Variants in OTUD7A observed in about 807,000 individuals in gnomAD.
OTUD7A encodes the protein OTU deubiquitinase 7A, also known as OTU domain-containing protein 7A.
Under a neutral mutation model 65.7 loss-of-function variants are expected in OTUD7A, and 12 were observed. The observed-to-expected ratio is 0.18, with a 90% CI of 0.12 to 0.30. OTUD7A has a LOEUF of 0.30. Among genes scored for constraint, OTUD7A ranks in the 10% least tolerant of loss-of-function variants. The pLI is 1.00. For synonymous variants in OTUD7A, 641 were observed against 586.3 expected, an observed-to-expected ratio of 1.09 and a Z score of -1.35; for missense variants, 1,148 against 1,304.8, an observed-to-expected ratio of 0.88 and a Z score of 1.85.
intron 1 of OTUD7A, among the ~76,000 whole-genome samples, chr15:31,695,288 C>A (rs1352555438): frequency 1.4e-5 from 2 of 140,036 alleles, no homozygotes; most frequent in Admixed American, 7.3e-5. Flanking sequence ...TGACTATATA[C>A]CAGCAGTGGG....
At chr15:31,506,938 G>T (rs2041580954) in intron 8 of OTUD7A, among the ~76,000 whole-genome samples, 1 of 152,160 alleles carries the variant, frequency 6.6e-6, no homozygotes, top group South Asian at 2.1e-4. Flanking sequence ...GTGGAAAGGG[G>T]ATAATTTGGG....
At chr15:31,766,171 A>G in intron 1 of OTUD7A, 2 of 1,489,966 alleles carry the variant, frequency 1.3e-6, no homozygotes, top group Non-Finnish European at 1.9e-6. Context: ...AAAGAAACTA[A>G]TCTTCCAGCA....
chr15:31,603,065 C>A (rs1004878910), intron 3 of OTUD7A, among the ~76,000 whole-genome samples: 3 of 152,214 alleles, frequency 2.0e-5, no homozygotes, highest in Non-Finnish European at 4.4e-5. Context: ...CTACCACTGA[C>A]TTTCTTCACA....
At chr15:31,569,958 C>G in intron 4 of OTUD7A, 60 bp downstream of exon 4, 2 of 1,583,750 alleles carry the variant, frequency 1.3e-6, no homozygotes, top group South Asian at 1.1e-5. Flanking sequence ...CGCAACCCGC[C>G]TGCAAGCTGC....
intron 5 of OTUD7A, among the ~76,000 whole-genome samples, chr15:31,532,346 C>CAAAACAGAGCCAAATAAAGAACAA (rs1343827223): frequency 6.6e-6 from 1 of 151,790 alleles, no homozygotes; most frequent in East Asian, 1.9e-4. Context: ...ATAGAAGATA[C>CAAAACAGAGCCAAATAAAGAACAA]AAAACAGAGC....
At position 31,484,344 on chromosome 15, in the gene OTUD7A, C is replaced by T; in HGVS notation, c.1752G>A (p.Ala584=). 1.2e-6 allele frequency: 2 copies of T among 1,600,830 alleles called. No homozygotes were observed. The highest frequency in any genetic ancestry group is 1.7e-6 in the Non-Finnish European group (2 of 1,179,424). ...SRKGSKEESG[A]SASTSPSEKT... Reference sequence around the variant, plus strand: ...TTTCCGACGGCGACGTGCTGGCCGACGCACCAGACTCCTCCTTGCTGCCCT... The same window carrying T: ...TTTCCGACGGCGACGTGCTGGCCGATGCACCAGACTCCTCCTTGCTGCCCT... The change falls in exon 13 of 13, where the codon GCG becomes GCA. Residue 584 remains alanine, a synonymous_variant. Transcript: ENST00000307050. The surrounding 1 kb of genome is among the most constrained non-coding windows in gnomAD (Gnocchi z 4.5).
intron 5 of OTUD7A, among the ~76,000 whole-genome samples, chr15:31,533,486 G>C (rs573924929): frequency 5.3e-5 from 8 of 152,208 alleles, no homozygotes; most frequent in Admixed American, 1.3e-4. Context: ...ATCTGCCTGC[G>C]TTGGCCTCTC....
chr15:31,561,234 G>T (rs747585972), intron 4 of OTUD7A, among the ~76,000 whole-genome samples: 1 of 151,596 alleles, frequency 6.6e-6, no homozygotes, highest in Non-Finnish European at 1.5e-5. Flanking sequence ...CTTGGGTGGT[G>T]GGGGACGGCC....
intron 3 of OTUD7A, among the ~76,000 whole-genome samples, chr15:31,602,191 T>C (rs1049167226): frequency 2.6e-5 from 4 of 152,152 alleles, no homozygotes; most frequent in Non-Finnish European, 5.9e-5. Context: ...TGAACATCAA[T>C]GAAAAAATCC....
rs935852845 is a variant in OTUD7A at position 31,646,588 on chromosome 15, G to A, written c.151+8508C>T. 2.0e-5 allele frequency among the ~76,000 whole-genome samples: 3 copies of A among 151,812 alleles called. 1 individual carries two copies. Among genetic ancestry groups the A allele is most frequent in the African/African-American group, 7.3e-5 (3 of 41,348 alleles). On this transcript the variant is annotated intron_variant, in intron 3 of 12. Transcript: ENST00000307050. ...CAATTCTCCTGCCTCAGCCTCTTGAGTAGCTGGGATTACAGGTATGCACCA... is the reference window on the plus strand; with the variant it reads ...CAATTCTCCTGCCTCAGCCTCTTGAATAGCTGGGATTACAGGTATGCACCA...
chr15:31,642,309 G>T (rs560154058), intron 3 of OTUD7A, among the ~76,000 whole-genome samples: 2 of 152,076 alleles, frequency 1.3e-5, no homozygotes, highest in Non-Finnish European at 2.9e-5. Context: ...TGCCAAATTC[G>T]ATTTGCTAAA....
intron 1 of OTUD7A, among the ~76,000 whole-genome samples, chr15:31,852,149 G>A (rs1231498071): frequency 6.6e-6 from 1 of 152,276 alleles, no homozygotes; most frequent in African/African-American, 2.4e-5. Context: ...GAGCCACTGC[G>A]CCCAGCCCTG....
chr15:31,690,105 G>A (rs1484898162), intron 1 of OTUD7A, among the ~76,000 whole-genome samples: 2 of 152,062 alleles, frequency 1.3e-5, no homozygotes, highest in East Asian at 3.8e-4. Flanking sequence ...CATAGGATAA[G>A]GTCCCTAGTT....
chr15:31,659,077 AAAT>A (rs1892083823), intron 1 of OTUD7A, among the ~76,000 whole-genome samples: 1 of 139,478 alleles, frequency 7.2e-6, no homozygotes, highest in Non-Finnish European at 1.6e-5. Context: ...ATAAATAAAT[AAAT>A]AAAATAAAAT....
intron 5 of OTUD7A, among the ~76,000 whole-genome samples, chr15:31,536,132 A>C (rs1173625527): frequency 6.6e-6 from 1 of 152,234 alleles, no homozygotes; most frequent in Admixed American, 6.5e-5. Flanking sequence ...CACAGAAGCG[A>C]GGCAAAGGTA....
chr15:31,742,443 C>A (rs1420426455), intron 1 of OTUD7A, among the ~76,000 whole-genome samples: 1 of 151,980 alleles, frequency 6.6e-6, no homozygotes, highest in African/African-American at 2.4e-5. Context: ...TTTTTAAAAA[C>A]TGAACCACTG....
chr15:31,577,743 CA>C (rs1200709851), intron 3 of OTUD7A, among the ~76,000 whole-genome samples: 1 of 150,302 alleles, frequency 6.7e-6, no homozygotes, highest in African/African-American at 2.4e-5. Flanking sequence ...TTTCCATCAA[CA>C]ATACTATGTT....
rs144451679 is a variant in OTUD7A, at chr15:31,687,239, G to A, written c.-99-30162C>T. 1.4e-3 allele frequency among the ~76,000 whole-genome samples: 218 copies of A among 152,258 alleles called. 5 individuals carry two copies. The highest frequency in any genetic ancestry group is 0.014 in the Admixed American group (216 of 15,290). On this transcript the variant is annotated intron_variant, in intron 1 of 12. Coordinates refer to ENST00000307050, the MANE Select transcript of OTUD7A (RefSeq NM_001382637.1). ...CAGTTAAGGCTGACCGAGAGCAGGA[G>A]GAGGAAGCCGATGGGGGAGTGCACA...
intron 3 of OTUD7A, among the ~76,000 whole-genome samples, chr15:31,650,926 AAATC>A (rs1374134157): frequency 6.6e-6 from 1 of 151,410 alleles, no homozygotes; most frequent in Non-Finnish European, 1.5e-5. Flanking sequence ...GAAATGAAAA[AAATC>A]AACTACAAAA....
Sources: gnomAD v4.1 joint callset for allele counts (sites outside exome capture counted in the v4.1 genomes callset) on GRCh38, gnomAD v4.1.1 for gene constraint, Gnocchi (gnomAD v3.1) non-coding constraint, MANE v1.5 for transcripts, NCBI Gene and HGNC (gene_info 2026-07-23, HGNC 2026-07-21) for gene names.